The following MEF2C variants were observed in gnomAD, a reference collection of about 807,000 sequenced individuals.
MEF2C encodes myocyte-specific enhancer factor 2C.
MEF2C carries 6 observed loss-of-function variants against 50.5 expected under a neutral mutation model. The ratio of observed to expected loss-of-function variants is 0.12; its 90% CI spans 0.07 to 0.23. MEF2C has a LOEUF of 0.23. Ranked by LOEUF, MEF2C falls within the 10% of genes least tolerant of loss-of-function variation. MEF2C has a pLI of 1.00. For missense variants in MEF2C, 276 were observed against 605.0 expected (o/e 0.46, Z 5.70); for synonymous variants, 183 against 228.0 (o/e 0.80, Z 1.78).
intron 4 of MEF2C, chr5:88,760,927 G>A (rs1046247313): frequency 6.5e-7 from 1 of 1,533,582 alleles, no homozygotes; most frequent in Non-Finnish European, 8.8e-7. Context: ...ATCACTGAGA[G>A]GGTTAAGGTA....
intron 3 of MEF2C, among the ~76,000 whole-genome samples, chr5:88,786,501 T>C (rs1030426635): frequency 3.3e-5 from 5 of 152,220 alleles, no homozygotes; most frequent in African/African-American, 7.2e-5. Flanking sequence ...ACTAACGATG[T>C]GGGATGCAAC....
At chr5:88,872,524 G>C (rs1459630509) in intron 1 of MEF2C, among the ~76,000 whole-genome samples, 1 of 151,968 alleles carries the variant, frequency 6.6e-6, no homozygotes, top group Non-Finnish European at 1.5e-5. Flanking sequence ...TTAATGGACT[G>C]AAAGTATTAT....
intron 1 of MEF2C, among the ~76,000 whole-genome samples, chr5:88,841,830 C>T (rs76451890): frequency 0.039 from 5,873 of 152,244 alleles, 124 homozygotes; most frequent in Non-Finnish European, 0.041. Flanking sequence ...AAATTTCATG[C>T]CCTGGTGGAA....
At position 88,854,036 on chromosome 5, in the gene MEF2C, T is replaced by C. The variant is rs535890252; in HGVS notation, c.-143+28919A>G. 2.6e-5 allele frequency among the ~76,000 whole-genome samples: 4 copies of C among 152,302 alleles called. No homozygotes were observed. In the East Asian group the frequency reaches 7.7e-4, roughly 29 times the overall value. The stretch of plus-strand genomic sequence containing the variant: ...GAGGAAGAACTGTAAAATTATAATT[T>C]AGGAAAGAGGTGGAAGCATTCTTTA... On this transcript the variant is annotated intron_variant, in intron 1 of 10. Transcript: ENST00000504921.
chr5:88,752,654 C>T, intron 4 of MEF2C: 1 of 985,358 alleles, frequency 1.0e-6, no homozygotes, highest in Non-Finnish European at 1.2e-6. Flanking sequence ...TCAGAAAACA[C>T]TATGCTTCAT....
intron 1 of MEF2C, among the ~76,000 whole-genome samples, chr5:88,847,709 CAT>C (rs1246919891): frequency 6.6e-6 from 1 of 151,524 alleles, no homozygotes; most frequent in Non-Finnish European, 1.5e-5. Context: ...CTATAAAACA[CAT>C]GTTAAAAAAA....
chr5:88,846,227 CA>C (rs963543727), intron 1 of MEF2C, among the ~76,000 whole-genome samples: 21 of 152,080 alleles, frequency 1.4e-4, no homozygotes, highest in African/African-American at 4.3e-4. Context: ...GCCACCACGC[CA>C]GGCTAATTTT....
intron 3 of MEF2C, among the ~76,000 whole-genome samples, chr5:88,789,998 T>TA (rs1303735270): frequency 3.9e-5 from 6 of 152,292 alleles, no homozygotes; most frequent in Non-Finnish European, 5.9e-5. Flanking sequence ...CACATGCCCC[T>TA]AACCAATCAC....
intron 2 of MEF2C, among the ~76,000 whole-genome samples, chr5:88,807,384 C>G (rs1368428453): frequency 6.6e-6 from 1 of 152,072 alleles, no homozygotes; most frequent in African/African-American, 2.4e-5. Context: ...CCAACATGTT[C>G]TGGCTTTATC....
chr5:88,849,673 G>A (rs1244272943), intron 1 of MEF2C, among the ~76,000 whole-genome samples: 1 of 152,116 alleles, frequency 6.6e-6, no homozygotes, highest in African/African-American at 2.4e-5. Context: ...ATTTCGAAAT[G>A]CAGAAACTTC....
chr5:88,743,886 A>T, intron 6 of MEF2C: 1 of 935,762 alleles, frequency 1.1e-6, no homozygotes, highest in Non-Finnish European at 1.3e-6. Flanking sequence ...TTATAAAATT[A>T]TATCTAATTT....
intron 1 of MEF2C, among the ~76,000 whole-genome samples, chr5:88,828,129 C>T (rs890212758): frequency 2.0e-5 from 3 of 151,858 alleles, no homozygotes; most frequent in East Asian, 1.9e-4. Flanking sequence ...ACATATCAAG[C>T]GTATCTGAGT....
At chr5:88,832,375 C>T (rs941081482) in intron 1 of MEF2C, among the ~76,000 whole-genome samples, 1 of 151,846 alleles carries the variant, frequency 6.6e-6, no homozygotes, top group African/African-American at 2.4e-5. Flanking sequence ...GAAATTATCT[C>T]TTTACCTCCC....
chr5:88,825,437 T>A, intron 1 of MEF2C: 1 of 953,384 alleles, frequency 1.0e-6, no homozygotes, highest in Non-Finnish European at 1.2e-6. Flanking sequence ...GTATGTTGAG[T>A]AACATTATGA....
At chr5:88,743,891 TA>T (rs1391532438) in intron 6 of MEF2C, 1 of 923,872 alleles carries the variant, frequency 1.1e-6, no homozygotes, top group Admixed American at 6.2e-5. Context: ...AAATTATATC[TA>T]ATTTACAATA....
chr5:88,885,021 GA>G (rs1382958717), upstream of MEF2C, among the ~76,000 whole-genome samples: 3 of 151,806 alleles, frequency 2.0e-5, no homozygotes, highest in Non-Finnish European at 4.4e-5. Flanking sequence ...AGCAAGAAGG[GA>G]AAATTAATAG....
chr5:88,731,858 G>A lies in MEF2C; in HGVS notation c.681C>T (p.Val227=), dbSNP rs1366057487. 6.2e-7 allele frequency: 1 copy of A among 1,613,176 alleles called. No homozygotes were observed. The highest frequency in any genetic ancestry group is 8.5e-7 in the Non-Finnish European group (1 of 1,179,454). The stretch of plus-strand genomic sequence containing the variant: ...TATTCTTGTTCAAGTTACCAGGTGA[G>A]ACCAGCAGACCTGGTGAGTTTCGGG... ...GNPRNSPGLL[V]SPGNLNKNMQ... The change falls in exon 7 of 11, where the codon GTC becomes GTT. Residue 227 remains valine, a synonymous_variant. Transcript: ENST00000504921.
At chr5:88,797,796 C>T (rs1796646963) in intron 3 of MEF2C, among the ~76,000 whole-genome samples, 1 of 152,120 alleles carries the variant, frequency 6.6e-6, no homozygotes, top group African/African-American at 2.4e-5. Context: ...TTTTTCCTTT[C>T]CATATTTAGT....
chr5:88,860,992 A>G (rs535929627), intron 1 of MEF2C, among the ~76,000 whole-genome samples: 2 of 152,306 alleles, frequency 1.3e-5, no homozygotes, highest in South Asian at 4.1e-4. Context: ...CTGTTACTTC[A>G]TCTTTAGAAA....
Sources: gnomAD v4.1 joint callset for allele counts (sites outside exome capture counted in the v4.1 genomes callset) on GRCh38, gnomAD v4.1.1 for gene constraint, MANE v1.5 for transcripts, NCBI Gene and HGNC (gene_info 2026-07-23, HGNC 2026-07-21) for gene names.